Variants in BRWD3 observed in about 807,000 individuals in gnomAD.
BRWD3 encodes bromodomain and WD repeat-containing protein 3.
Under a neutral mutation model 149.7 loss-of-function variants are expected in BRWD3, and 10 were observed. The observed-to-expected ratio is 0.07, with a 90% CI of 0.04 to 0.11. The LOEUF (loss-of-function observed/expected upper bound fraction) is 0.11. BRWD3 is among the 10% of genes least tolerant of loss of function. BRWD3 has a pLI of 1.00. For synonymous variants in BRWD3, 504 were observed against 456.7 expected (o/e 1.10, Z -1.32); for missense variants, 940 against 1,373.2 (o/e 0.68, Z 4.99).
At chrX:80,743,934 G>T in intron 8 of BRWD3, 98 bp downstream of exon 8, 1 of 721,358 alleles carries the variant, frequency 1.4e-6, no homozygotes, top group Non-Finnish European at 2.1e-6. Flanking sequence ...TTTTTCTCTT[G>T]TTATTCTTTG....
chrX:80,782,417 A>G (rs1488533034), intron 6 of BRWD3, among the ~76,000 whole-genome samples: 1 of 111,090 alleles, frequency 9.0e-6, no homozygotes, highest in Non-Finnish European at 1.9e-5. Context: ...AAAAGAAAAC[A>G]TCGGTGAAAC....
intron 18 of BRWD3, among the ~76,000 whole-genome samples, 175 bp from the exon 19 acceptor site, chrX:80,717,934 G>A (rs1329329474): frequency 9.0e-6 from 1 of 111,381 alleles, no homozygotes; most frequent in Non-Finnish European, 1.9e-5. Flanking sequence ...TATAAATAAA[G>A]CAGGCACTCT....
chrX:80,779,223 G>A lies in BRWD3; in HGVS notation c.430+12631C>T, dbSNP rs182326052. Among the ~76,000 whole-genome samples the A allele has an allele frequency of 6.8e-4, 75 of 111,043 alleles. No homozygotes were observed. The East Asian group carries it at 8.6e-3, about 13-fold the overall frequency. ...CCAGCTACTCAGGAGGCTAAGGCAGGAGAATCGCTTGAACCCAGGAGGTGA... is the reference window on the plus strand; with the variant it reads ...CCAGCTACTCAGGAGGCTAAGGCAGAAGAATCGCTTGAACCCAGGAGGTGA... On this transcript the variant is annotated intron_variant, in intron 6 of 40. Coordinates refer to ENST00000373275, the MANE Select transcript of BRWD3 (RefSeq NM_153252.5).
intron 4 of BRWD3, among the ~76,000 whole-genome samples, chrX:80,801,188 G>A (rs942880923): frequency 2.8e-5 from 3 of 106,497 alleles, no homozygotes; most frequent in Admixed American, 1.0e-4. Context: ...ACACAATGGC[G>A]GATACTAAGG....
intron 34 of BRWD3, among the ~76,000 whole-genome samples, chrX:80,687,820 G>A (rs1042067495): frequency 9.1e-6 from 1 of 109,826 alleles, no homozygotes; most frequent in African/African-American, 3.3e-5. Flanking sequence ...CCCCTCACAG[G>A]GGAAAGATAA....
At chrX:80,689,216 G>A (rs993272720) in intron 33 of BRWD3, among the ~76,000 whole-genome samples, 2 of 110,814 alleles carry the variant, frequency 1.8e-5, no homozygotes, top group Non-Finnish European at 3.8e-5. Flanking sequence ...AGTCAAATAC[G>A]GCTTTGTGTA....
intron 20 of BRWD3, among the ~76,000 whole-genome samples, chrX:80,711,058 T>C (rs2072958044): frequency 8.9e-6 from 1 of 111,792 alleles, no homozygotes; most frequent in Admixed American, 9.5e-5. Flanking sequence ...ATAATTTACG[T>C]ATGCCACATT....
rs1454075200 is a variant in BRWD3, at chrX:80,673,242, GAGA to G, written c.*3364_*3366del. ...CATCTGCGGGAAACAAAGTATTATA[GAGA>G]AGAATTCCAACACAAGCCTGATTTC... is the stretch of plus-strand genomic sequence containing the variant. On this transcript the variant is annotated 3_prime_UTR_variant, in exon 41 of 41. Coordinates refer to ENST00000373275, the MANE Select transcript of BRWD3 (RefSeq NM_153252.5). 1 of 110,041 alleles carries G rather than the reference GAGA, an allele frequency of 9.1e-6. No individual in the cohort carries two copies. The highest frequency in any genetic ancestry group is 1.9e-5 in the Non-Finnish European group (1 of 52,685). 9.1% of individuals were successfully genotyped at this position (110,041 alleles called of 1,213,427 possible). A position where few individuals can be genotyped will look rare whatever the true frequency, so the allele number is the denominator to read the frequency against.
chrX:80,707,577 C>T, intron 21 of BRWD3, 74 bp from the exon 22 acceptor site: 2 of 989,217 alleles, frequency 2.0e-6, no homozygotes, highest in Non-Finnish European at 2.8e-6. Context: ...AAACCACTAC[C>T]TGTTTTATAG....
intron 8 of BRWD3, among the ~76,000 whole-genome samples, chrX:80,739,811 A>G (rs1326633252): frequency 4.5e-5 from 5 of 111,900 alleles, no homozygotes; most frequent in African/African-American, 1.3e-4. Context: ...AAATTATAAC[A>G]ATATACTATA....
chrX:80,729,083 A>G (rs761988611), intron 13 of BRWD3, among the ~76,000 whole-genome samples, 178 bp from the exon 14 acceptor site: 1 of 111,794 alleles, frequency 8.9e-6, no homozygotes, highest in African/African-American at 3.2e-5. Context: ...ATAGGGCAAT[A>G]CCCATTAGCT....
intron 24 of BRWD3, among the ~76,000 whole-genome samples, chrX:80,701,545 CAAAAA>C (rs140140883): frequency 8.3e-5 from 2 of 24,183 alleles, no homozygotes; most frequent in African/African-American, 1.8e-4. Context: ...CGAGACTCGT[CAAAAA>C]AAAAAAAAAA....
At chrX:80,726,009 G>A (rs201325619) in intron 14 of BRWD3, among the ~76,000 whole-genome samples, 1 of 99,292 alleles carries the variant, frequency 1.0e-5, no homozygotes, top group Non-Finnish European at 2.0e-5. Flanking sequence ...ATGTTTACAT[G>A]TTATATGTCT....
At position 80,736,096 on chromosome X, in the gene BRWD3, A is replaced by T. The variant is rs1057516005; in HGVS notation, c.814-8T>A. ...TTTAGTTGATGGACAAAACTTAAAA[A>T]AAAAAAAATCTGATTCAAATAAAAA... On this transcript the variant is annotated splice_polypyrimidine_tract_variant and splice_region_variant and intron_variant, in intron 8 of 40. Coordinates refer to ENST00000373275, the MANE Select transcript of BRWD3 (RefSeq NM_153252.5). The T allele has an allele frequency of 8.9e-7, 1 of 1,129,649 alleles. No individual in the cohort carries two copies. The highest frequency in any genetic ancestry group is 1.2e-6 in the Non-Finnish European group (1 of 829,349). The allele number at this position is 1,129,649 out of a possible 1,213,427, so 93.1% of individuals were successfully genotyped here.
At chrX:80,714,783 C>A (rs1395123443) in intron 20 of BRWD3, among the ~76,000 whole-genome samples, 1 of 111,638 alleles carries the variant, frequency 9.0e-6, no homozygotes, top group Non-Finnish European at 1.9e-5. Flanking sequence ...CATGTTTAAT[C>A]CCTTATATCC....
intron 20 of BRWD3, among the ~76,000 whole-genome samples, chrX:80,712,406 C>A (rs1166883018): frequency 9.0e-6 from 1 of 110,678 alleles, no homozygotes; most frequent in Non-Finnish European, 1.9e-5. Flanking sequence ...AAGCCTCGGC[C>A]TCCCGAGGTG....
chrX:80,734,027 A>G (rs1021183825), intron 11 of BRWD3, 91 bp downstream of exon 11: 2 of 661,975 alleles, frequency 3.0e-6, no homozygotes, highest in East Asian at 6.6e-5. Flanking sequence ...TGTGATTTGT[A>G]TATGTTACTA....
rs940689090 is a variant in BRWD3 at position 80,670,472 on chromosome X, G to A, written c.*6137C>T. On this transcript the variant is annotated 3_prime_UTR_variant, in exon 41 of 41. Coordinates refer to ENST00000373275, the MANE Select transcript of BRWD3 (RefSeq NM_153252.5). Reference sequence around the variant, plus strand: ...AAATGGATCCCCAGGCTGGAGTGCAGTGGCATGATCACAGCTCACTGCAGC... The same window carrying A: ...AAATGGATCCCCAGGCTGGAGTGCAATGGCATGATCACAGCTCACTGCAGC... Among the ~76,000 whole-genome samples, 5 of 110,659 alleles carry A rather than the reference G, an allele frequency of 4.5e-5. No individual in the cohort carries two copies. Among genetic ancestry groups the A allele is most frequent in the Non-Finnish European group, 9.4e-5 (5 of 52,922 alleles).
chrX:80,690,958 T>C (rs1329670266), intron 31 of BRWD3, 95 bp downstream of exon 31: 5 of 1,024,342 alleles, frequency 4.9e-6, no homozygotes, highest in Non-Finnish European at 6.7e-6. Flanking sequence ...GTCTTTTGGA[T>C]GATCATGTTA....
Sources: allele counts gnomAD v4.1 joint callset (sites outside exome capture counted in the v4.1 genomes callset), GRCh38; gene constraint gnomAD v4.1.1; transcripts MANE v1.5; gene names NCBI Gene and HGNC (gene_info 2026-07-23, HGNC 2026-07-21).